FAM13A: variants seen among roughly 807,000 people sequenced by gnomAD.
The protein encoded by FAM13A is family with sequence similarity 13 member A, also known as protein FAM13A.
In FAM13A, 76 loss-of-function variants were observed where a neutral mutation model predicts 129.6. That is an observed-to-expected ratio of 0.59 (90% CI 0.49 to 0.71). FAM13A has a LOEUF of 0.71. Among genes scored for constraint, FAM13A ranks in the 30% least tolerant of loss-of-function variants. The pLI is 0.00. For missense variants in FAM13A, 1,108 were observed against 1,249.3 expected (o/e 0.89, Z 1.70); for synonymous variants, 443 against 449.9 (o/e 0.98, Z 0.20).
intron 7 of FAM13A, among the ~76,000 whole-genome samples, chr4:88,825,042 A>T (rs2149852417): frequency 6.6e-6 from 1 of 152,258 alleles, no homozygotes; most frequent in East Asian, 1.9e-4. Context: ...ATTATACATC[A>T]TAATATCTAT....
At chr4:89,051,994 ATC>A (rs1387007780) in intron 1 of FAM13A, among the ~76,000 whole-genome samples, 3 of 152,122 alleles carry the variant, frequency 2.0e-5, no homozygotes, top group Non-Finnish European at 4.4e-5. Context: ...CTCTGCCTAA[ATC>A]TCACACTGTG....
Position 88,986,453 on chromosome 4 carries a change from CGTAA to C in FAM13A, c.605+4516_605+4519del, listed in dbSNP as rs1266013788. On this transcript the variant is annotated intron_variant, in intron 4 of 23. Transcript: ENST00000264344. Reference sequence around the variant, plus strand: ...CCGACCAATTTTCACTTTTAAGCCACGTAAGTGTTATAAAAATTTAAACAAAATT... The same window carrying C: ...CCGACCAATTTTCACTTTTAAGCCACGTGTTATAAAAATTTAAACAAAATT... Among the ~76,000 whole-genome samples the C allele has an allele frequency of 8.5e-5, 13 of 152,170 alleles. No homozygotes were observed. The East Asian group carries it at 9.7e-4, about 11-fold the overall frequency.
intron 9 of FAM13A, 85 bp downstream of exon 9, chr4:88,790,501 T>G (rs1724898238): frequency 8.9e-7 from 1 of 1,126,888 alleles, no homozygotes; most frequent in Non-Finnish European, 1.3e-6. Flanking sequence ...ACCATTAGAG[T>G]TGCTTTTTTT....
rs185099534 is a variant in FAM13A at position 88,834,166 on chromosome 4, C to T, written c.1007+16854G>A. Among the ~76,000 whole-genome samples the T allele has an allele frequency of 3.9e-3, 580 of 149,298 alleles. 4 individuals are homozygous for T. Among genetic ancestry groups the T allele is most frequent in the African/African-American group, 0.013 (542 of 40,496 alleles). On this transcript the variant is annotated intron_variant, in intron 7 of 23. Coordinates refer to ENST00000264344, the MANE Select transcript of FAM13A (RefSeq NM_014883.4). ...CACTCAAGTGGTCCTCCTGCCTCAGCCTCCCAAAGTGCTGGGATTATAGGC... is the reference window on the plus strand; with the variant it reads ...CACTCAAGTGGTCCTCCTGCCTCAGTCTCCCAAAGTGCTGGGATTATAGGC...
chr4:88,991,697 T>C (rs1208233579), intron 3 of FAM13A, among the ~76,000 whole-genome samples: 4 of 152,196 alleles, frequency 2.6e-5, no homozygotes, highest in African/African-American at 9.6e-5. Context: ...TGGGGGATGC[T>C]AAACTTAGTG....
chr4:88,928,128 T>C (rs181572089), intron 5 of FAM13A, among the ~76,000 whole-genome samples: 1 of 152,288 alleles, frequency 6.6e-6, no homozygotes, highest in African/African-American at 2.4e-5. Context: ...AATTTCCATG[T>C]GTCTGTATAG....
chr4:88,961,765 ACTTGAGGGT>A (rs1285940338), intron 4 of FAM13A, among the ~76,000 whole-genome samples: 1 of 152,068 alleles, frequency 6.6e-6, no homozygotes, highest in Non-Finnish European at 1.5e-5. Context: ...ATAGACAAAG[ACTTGAGGGT>A]CTAACTCAAC....
chr4:88,893,629 T>A (rs1455579471), intron 6 of FAM13A, among the ~76,000 whole-genome samples: 1 of 107,516 alleles, frequency 9.3e-6, no homozygotes. Context: ...TCTCAATGAA[T>A]GAATGAATGA....
chr4:88,793,898 C>T (rs752040149), intron 8 of FAM13A, among the ~76,000 whole-genome samples: 1 of 151,914 alleles, frequency 6.6e-6, no homozygotes, highest in Non-Finnish European at 1.5e-5. Flanking sequence ...ATGTACTTAA[C>T]AATTCACCCT....
chr4:88,832,258 A>G (rs1734018673), intron 7 of FAM13A, among the ~76,000 whole-genome samples: 1 of 152,230 alleles, frequency 6.6e-6, no homozygotes, highest in Non-Finnish European at 1.5e-5. Context: ...AAATATTTAA[A>G]TGTAAAACCC....
chr4:88,895,326 C>T (rs186115301), intron 6 of FAM13A, among the ~76,000 whole-genome samples: 383 of 152,082 alleles, frequency 2.5e-3, no homozygotes, highest in Non-Finnish European at 3.3e-3. Flanking sequence ...TATGCATGCC[C>T]ATCAACACTG....
At chr4:88,991,997 A>C (rs954991386) in intron 3 of FAM13A, among the ~76,000 whole-genome samples, 3 of 152,188 alleles carry the variant, frequency 2.0e-5, no homozygotes, top group Non-Finnish European at 4.4e-5. Context: ...GCCTGCCTTC[A>C]GCAAGAAACT....
rs575459591 is a variant in FAM13A at position 88,972,273 on chromosome 4, C to T, written c.605+18700G>A. Among the ~76,000 whole-genome samples, 6 of 147,424 alleles carry T rather than the reference C, an allele frequency of 4.1e-5. No individual in the cohort carries two copies. The South Asian group carries it at 1.1e-3, about 27-fold the overall frequency. On this transcript the variant is annotated intron_variant, in intron 4 of 23. Transcript: ENST00000264344. ...ACAAATTCCCTCAATTTTTGTTTGT[C>T]TGAAAAAGTTTCTGCTTCTCCTTCA... is the stretch of plus-strand genomic sequence containing the variant.
chr4:88,904,986 G>A (rs1168465390), intron 6 of FAM13A, among the ~76,000 whole-genome samples: 1 of 151,978 alleles, frequency 6.6e-6, no homozygotes, highest in East Asian at 1.9e-4. Context: ...ATCATACAGT[G>A]ATTTTTATTT....
intron 6 of FAM13A, among the ~76,000 whole-genome samples, chr4:88,899,764 G>C (rs1272570): frequency 0.17 from 26,302 of 152,084 alleles, 2,440 homozygotes; most frequent in Non-Finnish European, 0.2. Context: ...CAAAGGCACA[G>C]AACTGGGTGG....
chr4:88,853,325 A>C (rs1001857816), intron 6 of FAM13A, among the ~76,000 whole-genome samples: 1 of 152,204 alleles, frequency 6.6e-6, no homozygotes, highest in Non-Finnish European at 1.5e-5. Context: ...GTTACCTCAC[A>C]TACATTTTTT....
At chr4:88,769,540 G>A (rs1720191833) in intron 11 of FAM13A, among the ~76,000 whole-genome samples, 1 of 152,076 alleles carries the variant, frequency 6.6e-6, no homozygotes, top group Admixed American at 6.6e-5. Context: ...GATATGTAAA[G>A]TACTAGAATA....
At chr4:89,016,040 G>A (rs1235307278) in intron 3 of FAM13A, among the ~76,000 whole-genome samples, 1 of 151,942 alleles carries the variant, frequency 6.6e-6, no homozygotes, top group Non-Finnish European at 1.5e-5. Context: ...TCCATAAGAA[G>A]GCATTGCTAT....
At chr4:88,778,501 G>C (rs1722215658) in intron 11 of FAM13A, among the ~76,000 whole-genome samples, 2 of 152,166 alleles carry the variant, frequency 1.3e-5, no homozygotes, top group Non-Finnish European at 2.9e-5. Flanking sequence ...TGTTTTAGTT[G>C]ATGGGAACAG....
Sources: gnomAD v4.1 joint callset for allele counts (sites outside exome capture counted in the v4.1 genomes callset) on GRCh38, gnomAD v4.1.1 for gene constraint, MANE v1.5 for transcripts, NCBI Gene and HGNC (gene_info 2026-07-23, HGNC 2026-07-21) for gene names.